UMPS: variants seen among roughly 807,000 people sequenced by gnomAD.
UMPS encodes uridine monophosphate synthetase.
In UMPS, 21 loss-of-function variants were observed where a neutral mutation model predicts 38.9. The ratio of observed to expected loss-of-function variants is 0.54; its 90% CI spans 0.38 to 0.78. UMPS has a LOEUF of 0.78. Ranked by LOEUF, UMPS falls within the 30% of genes least tolerant of loss-of-function variation. The pLI is 0.00. For missense variants in UMPS, 533 were observed against 591.6 expected (o/e 0.90, Z 1.03); for synonymous variants, 208 against 219.3 (o/e 0.95, Z 0.45).
At position 124,748,362 on chromosome 3, in the gene UMPS, G is replaced by A. The variant is rs11927687; in HGVS notation, c.*4278G>A. 118,005 of 453,786 alleles carry A rather than the reference G, an allele frequency of 0.26. 16,339 individuals are homozygous for A. The highest frequency in any genetic ancestry group is 0.35 in the East Asian group (5,071 of 14,392). 28.1% of individuals were successfully genotyped at this position (453,786 alleles called of 1,614,324 possible). A position where few individuals can be genotyped will look rare whatever the true frequency, so the allele number is the denominator to read the frequency against. On this transcript the variant is annotated 3_prime_UTR_variant, in exon 6 of 6. Coordinates refer to ENST00000232607, the MANE Select transcript of UMPS (RefSeq NM_000373.4). ...CCTTTCACATTTGTAATTTGGCCTT[G>A]TATGAGTTACCCTGCAATCCCTTTG...
chr3:124,745,645 A>T lies in UMPS; in HGVS notation c.*1561A>T, dbSNP rs1216190976. ...GGAAATGCTGTCTGTGGGAGAGACC[A>T]ACTCTCAAGGAAGAAGTGGCCACAG... On this transcript the variant is annotated 3_prime_UTR_variant, in exon 6 of 6. Coordinates refer to ENST00000232607, the MANE Select transcript of UMPS (RefSeq NM_000373.4). The T allele has an allele frequency of 6.6e-6, 3 of 453,934 alleles. No homozygotes were observed. Among genetic ancestry groups the T allele is most frequent in the Non-Finnish European group, 1.3e-5 (3 of 226,786 alleles). The allele number at this position is 453,934 out of a possible 1,614,324, so 28.1% of individuals were successfully genotyped here.
At chr3:124,742,320 A>G (rs2063562827) in intron 5 of UMPS, 54 bp downstream of exon 5, 4 of 1,329,494 alleles carry the variant, frequency 3.0e-6, no homozygotes, top group Non-Finnish European at 4.3e-6. Flanking sequence ...TACCCATGGC[A>G]GGCAAAATAA....
In UMPS at chr3:124,746,356, A is replaced by C. The variant is rs1411151973; in HGVS notation, c.*2272A>C. The stretch of plus-strand genomic sequence containing the variant: ...TTTGCCCAGCAGCCTGGGCGTGTGC[A>C]TTTCTAATGGGTGCCTCAAGTGATC... On this transcript the variant is annotated 3_prime_UTR_variant, in exon 6 of 6. Transcript: ENST00000232607. 4.4e-6 allele frequency: 2 copies of C among 454,104 alleles called. No individual in the cohort carries two copies. Among genetic ancestry groups the C allele is most frequent in the Non-Finnish European group, 8.8e-6 (2 of 226,784 alleles). The allele number at this position is 454,104 out of a possible 1,614,324, so 28.1% of individuals were successfully genotyped here. A position where few individuals can be genotyped will look rare whatever the true frequency, so the allele number is the denominator to read the frequency against.
At chr3:124,737,541 G>A in intron 2 of UMPS, 27 bp from the exon 3 acceptor site, 2 of 1,612,652 alleles carry the variant, frequency 1.2e-6, no homozygotes, top group Non-Finnish European at 1.7e-6. Flanking sequence ...TTTAAATTTG[G>A]AATCAGCAAA....
rs1217033739 is a variant in UMPS, at chr3:124,746,960, T to A, written c.*2876T>A. ...CAACACTCACCCTTGTGCTACTGAGTCAGCTCTAAGAAAATCTGCCAAAAG... is the reference window on the plus strand; with the variant it reads ...CAACACTCACCCTTGTGCTACTGAGACAGCTCTAAGAAAATCTGCCAAAAG... On this transcript the variant is annotated 3_prime_UTR_variant, in exon 6 of 6. Coordinates refer to ENST00000232607, the MANE Select transcript of UMPS (RefSeq NM_000373.4). 1 of 453,972 alleles carries A rather than the reference T, an allele frequency of 2.2e-6. No individual in the cohort carries two copies. The highest frequency in any genetic ancestry group is 4.4e-6 in the Non-Finnish European group (1 of 226,790). 28.1% of individuals were successfully genotyped at this position (453,972 alleles called of 1,614,324 possible).
chr3:124,737,459 T>C, intron 2 of UMPS, 109 bp from the exon 3 acceptor site: 1 of 1,006,164 alleles, frequency 9.9e-7, no homozygotes, highest in East Asian at 2.4e-5. Context: ...GGTATACACA[T>C]ATACTGTATG....
chr3:124,745,320 G>A lies in UMPS; in HGVS notation c.*1236G>A, dbSNP rs2063588062. On this transcript the variant is annotated 3_prime_UTR_variant, in exon 6 of 6. Coordinates refer to ENST00000232607, the MANE Select transcript of UMPS (RefSeq NM_000373.4). ...CAGGATCAGCCATTTCCCCACCCTT[G>A]TCAGCTGATGGCCCACTGTTCTTTA... is the stretch of plus-strand genomic sequence containing the variant. 1 of 453,600 alleles carries A rather than the reference G, an allele frequency of 2.2e-6. No homozygotes were observed. The highest frequency in any genetic ancestry group is 2.0e-5 in the African/African-American group (1 of 49,864). 28.1% of individuals were successfully genotyped at this position (453,600 alleles called of 1,614,324 possible).
intron 1 of UMPS, among the ~76,000 whole-genome samples, chr3:124,730,870 G>A (rs887431571): frequency 3.9e-5 from 6 of 152,170 alleles, no homozygotes; most frequent in Non-Finnish European, 7.3e-5. Flanking sequence ...GGGAAACCCA[G>A]TTTGGAACGC....
At position 124,740,094 on chromosome 3, in the gene UMPS, G is replaced by A; in HGVS notation, c.1053G>A (p.Val351=). ...ACGTGGTGCCAGGCTCAGGAGTTGT[G>A]AAAGGCCTGCAAGAAGTGGGCCTGC... ...NAHVVPGSGV[V]KGLQEVGLPL... is the part of the protein sequence containing the mutation. The change falls in exon 4 of 6, where the codon GTG becomes GTA. Residue 351 remains valine, a synonymous_variant. Coordinates refer to ENST00000232607, the MANE Select transcript of UMPS (RefSeq NM_000373.4). 1 of 1,614,156 alleles carries A rather than the reference G, an allele frequency of 6.2e-7. No homozygotes were observed. Among genetic ancestry groups the A allele is most frequent in the East Asian group, 2.2e-5 (1 of 44,884 alleles).
chr3:124,749,153 ATGT>A lies in UMPS; in HGVS notation c.*5074_*5076del, dbSNP rs1489796717. ...GTCCTTGTTTACCTGGAACCTAGCA[ATGT>A]TGTTTTCTGCCACAACTTGAATAGA... On this transcript the variant is annotated 3_prime_UTR_variant, in exon 6 of 6. Coordinates refer to ENST00000232607, the MANE Select transcript of UMPS (RefSeq NM_000373.4). 4.4e-6 allele frequency: 2 copies of A among 454,106 alleles called. No individual in the cohort carries two copies. The highest frequency in any genetic ancestry group is 3.1e-5 in the South Asian group (2 of 64,472). The allele number at this position is 454,106 out of a possible 1,614,324, so 28.1% of individuals were successfully genotyped here. A position where few individuals can be genotyped will look rare whatever the true frequency, so the allele number is the denominator to read the frequency against.
At position 124,738,134 on chromosome 3, in the gene UMPS, G is replaced by T. The variant is rs774945665; in HGVS notation, c.877G>T (p.Asp293Tyr). 1 of 1,614,190 alleles carries T rather than the reference G, an allele frequency of 6.2e-7. No homozygotes were observed. The highest frequency in any genetic ancestry group is 1.1e-5 in the South Asian group (1 of 91,086). The change falls in exon 3 of 6, where the codon GAT (aspartate) becomes TAT (tyrosine). Residue 293 changes from aspartate to tyrosine, a missense_variant. By Grantham distance (160) the Asp-to-Tyr change is radical. Coordinates refer to ENST00000232607, the MANE Select transcript of UMPS (RefSeq NM_000373.4). ...HVDILNDFTL[D>Y]VMKELITLAK... ...AGATATTTTGAATGATTTTACTCTGGATGTGATGAAGGAGTTGATAACTCT... is the reference window on the plus strand; with the variant it reads ...AGATATTTTGAATGATTTTACTCTGTATGTGATGAAGGAGTTGATAACTCT...
Position 124,737,630 on chromosome 3 carries a change from G to A in UMPS, c.373G>A (p.Val125Ile). The change falls in exon 3 of 6, where the codon GTT becomes ATT. Residue 125 changes from valine (V) to isoleucine (I), a missense_variant. Physicochemically the swap from Val to Ile is conservative, Grantham distance 29. Transcript: ENST00000232607. ...PGETCLIIEDVVTSGSSVLET... is the reference protein window; with the variant it reads ...PGETCLIIEDIVTSGSSVLET... ...AGAAACCTGTTTAATCATTGAAGAT[G>A]TTGTCACCAGTGGATCTAGTGTTTT... 2 of 1,614,204 alleles carry A rather than the reference G, an allele frequency of 1.2e-6. No homozygotes were observed. The highest frequency in any genetic ancestry group is 1.1e-5 in the South Asian group (1 of 91,080).
At chr3:124,738,457 G>A (rs1158399859) in intron 3 of UMPS, 5 of 551,730 alleles carry the variant, frequency 9.1e-6, no homozygotes, top group South Asian at 2.0e-5. Flanking sequence ...GGCATACTCT[G>A]CATGCTCACC....
At chr3:124,743,890 A>AC in intron 5 of UMPS, 25 bp from the exon 6 acceptor site, 1 of 1,613,764 alleles carries the variant, frequency 6.2e-7, no homozygotes, top group Non-Finnish European at 8.5e-7. Flanking sequence ...ATTATGTGAA[A>AC]CAACAATTTT....
Position 124,730,540 on chromosome 3 carries a change from T to C in UMPS, c.69T>C (p.Phe23=), listed in dbSNP as rs1559902033. 5.6e-6 allele frequency: 9 copies of C among 1,613,932 alleles called. No individual in the cohort carries two copies. Among genetic ancestry groups the C allele is most frequent in the African/African-American group, 1.3e-5 (1 of 74,908 alleles). The change falls in exon 1 of 6, where the codon TTT becomes TTC. Residue 23 remains phenylalanine (F), a synonymous_variant. Transcript: ENST00000232607. Reference sequence around the variant, plus strand: ...TGTACGACGTGCAGGCTTTCAAGTTTGGGGACTTCGTGCTGAAGAGCGGGC... The same window carrying C: ...TGTACGACGTGCAGGCTTTCAAGTTCGGGGACTTCGTGCTGAAGAGCGGGC... ...TGLYDVQAFK[F]GDFVLKSGLS... is the part of the protein sequence containing the mutation.
chr3:124,746,005 G>C lies in UMPS; in HGVS notation c.*1921G>C, dbSNP rs1415282138. 1 of 454,012 alleles carries C rather than the reference G, an allele frequency of 2.2e-6. No individual in the cohort carries two copies. Among genetic ancestry groups the C allele is most frequent in the African/African-American group, 2.0e-5 (1 of 50,012 alleles). 28.1% of individuals were successfully genotyped at this position (454,012 alleles called of 1,614,324 possible). A position where few individuals can be genotyped will look rare whatever the true frequency, so the allele number is the denominator to read the frequency against. ...ATTTGCGTTTCCAAAAAGGTCCCAG[G>C]TGATGCTGCGGTTGCCTGCGCAGGG... On this transcript the variant is annotated 3_prime_UTR_variant, in exon 6 of 6. Transcript: ENST00000232607.
At position 124,746,592 on chromosome 3, in the gene UMPS, A is replaced by G; in HGVS notation, c.*2508A>G. On this transcript the variant is annotated 3_prime_UTR_variant, in exon 6 of 6. Coordinates refer to ENST00000232607, the MANE Select transcript of UMPS (RefSeq NM_000373.4). ...TTTCTCAGTCAAGGAATATTTACAG[A>G]ACATGATCTCTGGGCATTGTAACTC... is the stretch of plus-strand genomic sequence containing the variant. 2.2e-6 allele frequency: 1 copy of G among 454,070 alleles called. No individual in the cohort carries two copies. The highest frequency in any genetic ancestry group is 4.4e-6 in the Non-Finnish European group (1 of 226,792). 28.1% of individuals were successfully genotyped at this position (454,070 alleles called of 1,614,324 possible).
In UMPS at chr3:124,744,650, C is replaced by A. The variant is rs889429693; in HGVS notation, c.*566C>A. 5 of 453,794 alleles carry A rather than the reference C, an allele frequency of 1.1e-5. No individual in the cohort carries two copies. Among genetic ancestry groups the A allele is most frequent in the African/African-American group, 6.0e-5 (3 of 50,004 alleles). The allele number at this position is 453,794 out of a possible 1,614,324, so 28.1% of individuals were successfully genotyped here. A position where few individuals can be genotyped will look rare whatever the true frequency, so the allele number is the denominator to read the frequency against. On this transcript the variant is annotated 3_prime_UTR_variant, in exon 6 of 6. Transcript: ENST00000232607. The stretch of plus-strand genomic sequence containing the variant: ...GTCTCAACTCCTGGGCTCAAGCGAT[C>A]CTCCTGCCTCAGTCTCTCAAAGTGC...
chr3:124,732,560 C>T (rs1364432912), intron 1 of UMPS: 1 of 154,822 alleles, frequency 6.5e-6, no homozygotes, highest in African/African-American at 2.4e-5. Flanking sequence ...CGTAAATATG[C>T]TTTCCAATAC....
Sources: allele counts gnomAD v4.1 joint callset (sites outside exome capture counted in the v4.1 genomes callset), GRCh38; gene constraint gnomAD v4.1.1; transcripts MANE v1.5; gene names NCBI Gene and HGNC (gene_info 2026-07-23, HGNC 2026-07-21).